Variants in PPP1R3D observed in about 807,000 individuals in gnomAD.
PPP1R3D encodes the protein protein phosphatase 1 regulatory subunit 3D.
A neutral mutation model predicts 16.3 loss-of-function variants in PPP1R3D; 27 were observed. That is an observed-to-expected ratio of 1.66 (90% CI 1.22 to 2.29). The LOEUF (loss-of-function observed/expected upper bound fraction) is 2.29, where lower values mean the gene tolerates loss of function less well. PPP1R3D is among the 30% of genes most tolerant of loss of function. The pLI is 0.00. For synonymous variants in PPP1R3D, 223 were observed against 209.7 expected (o/e 1.06, Z -0.55); for missense variants, 472 against 438.3 (o/e 1.08, Z -0.69).
In PPP1R3D at chr20:59,937,205, C is replaced by T. The variant is rs1423480492; in HGVS notation, c.*1827G>A. ...AAATCTGGCAGCTCTTAACTCATAT[C>T]TAAATTCTCTGGACAACTGTCTTGC... On this transcript the variant is annotated 3_prime_UTR_variant, in exon 1 of 1. Transcript: ENST00000370996. 6.6e-6 allele frequency: 1 copy of T among 152,642 alleles called. No homozygotes were observed. Among genetic ancestry groups the T allele is most frequent in the Non-Finnish European group, 1.5e-5 (1 of 68,056 alleles). 9.5% of individuals were successfully genotyped at this position (152,642 alleles called of 1,614,324 possible). A position where few individuals can be genotyped will look rare whatever the true frequency, so the allele number is the denominator to read the frequency against.
At position 59,939,770 on chromosome 20, in the gene PPP1R3D, C is replaced by A; in HGVS notation, c.162G>T (p.Thr54=). 1.6e-6 allele frequency: 2 copies of A among 1,222,792 alleles called. No homozygotes were observed. The highest frequency in any genetic ancestry group is 2.0e-6 in the Non-Finnish European group (2 of 982,392). The allele number at this position is 1,222,792 out of a possible 1,614,324, so 75.7% of individuals were successfully genotyped here. Residue 54 remains threonine (T), a synonymous_variant, in exon 1 of 1, where the codon ACG becomes ACT. Coordinates refer to ENST00000370996, the MANE Select transcript of PPP1R3D (RefSeq NM_006242.4). ...GGGGGTCGCAGCCCGACGGCGCTGG[C>A]GTTGGCGGCGGCGCGCGGCCCGGGC... The part of the protein sequence containing the change: ...PGSPGRAPPP[T]PAPSGCDPRL...
At position 59,938,988 on chromosome 20, in the gene PPP1R3D, G is replaced by T; in HGVS notation, c.*44C>A. On this transcript the variant is annotated 3_prime_UTR_variant, in exon 1 of 1. Coordinates refer to ENST00000370996, the MANE Select transcript of PPP1R3D (RefSeq NM_006242.4). ...GCCCAGCAGGGAAATGACAGGAGGC[G>T]CAGCTTAGGTGTGGAGGCTCCAGGT... 2 of 1,454,010 alleles carry T rather than the reference G, an allele frequency of 1.4e-6. No individual in the cohort carries two copies. Among genetic ancestry groups the T allele is most frequent in the South Asian group, 3.0e-5 (2 of 65,686 alleles). The allele number at this position is 1,454,010 out of a possible 1,614,324, so 90.1% of individuals were successfully genotyped here. A position where few individuals can be genotyped will look rare whatever the true frequency, so the allele number is the denominator to read the frequency against.
chr20:59,939,679 C>T lies in PPP1R3D; in HGVS notation c.253G>A (p.Ala85Thr). The change falls in exon 1 of 1, where the codon GCC becomes ACC. Residue 85 changes from alanine (A) to threonine (T), a missense_variant. By Grantham distance (58) the Ala-to-Thr change is moderately conservative. Transcript: ENST00000370996. ...CACGCAGCGCCCGGCGCGCCCGCGG[C>T]CTTCTGGCGGCGCTCGGGGGAGCTG... is the stretch of plus-strand genomic sequence containing the variant. Reference protein sequence around the residue: ...LPSSPERRQKAAGAPGAACRP... With the variant: ...LPSSPERRQKTAGAPGAACRP... 1 of 1,445,190 alleles carries T rather than the reference C, an allele frequency of 6.9e-7. No homozygotes were observed. Among genetic ancestry groups the T allele is most frequent in the Non-Finnish European group, 9.0e-7 (1 of 1,105,988 alleles). 89.5% of individuals were successfully genotyped at this position (1,445,190 alleles called of 1,614,324 possible).
rs1469913183 is a variant in PPP1R3D at position 59,937,718 on chromosome 20, T to A, written c.*1314A>T. The stretch of plus-strand genomic sequence containing the variant: ...TCTAGCACCTGTTGTCAGACCACTG[T>A]TCAGCACCAAAAGAACTCCTCAGCC... On this transcript the variant is annotated 3_prime_UTR_variant, in exon 1 of 1. Coordinates refer to ENST00000370996, the MANE Select transcript of PPP1R3D (RefSeq NM_006242.4). 6 of 152,444 alleles carry A rather than the reference T, an allele frequency of 3.9e-5. No individual in the cohort carries two copies. The highest frequency in any genetic ancestry group is 3.9e-4 in the Admixed American group (6 of 15,278). 9.4% of individuals were successfully genotyped at this position (152,444 alleles called of 1,614,324 possible).
Position 59,940,021 on chromosome 20 carries a change from A to C in PPP1R3D, c.-90T>G, listed in dbSNP as rs2060890619. ...CCCTCCGTGCTCAGAAGCCGCAGAG[A>C]GTCCACCGTATCTGCAACCTGCGGG... is the stretch of plus-strand genomic sequence containing the variant. On this transcript the variant is annotated 5_prime_UTR_variant, in exon 1 of 1. Transcript: ENST00000370996. 9.0e-7 allele frequency: 1 copy of C among 1,116,896 alleles called. No homozygotes were observed. The highest frequency in any genetic ancestry group is 3.3e-5 in the East Asian group (1 of 30,710). The allele number at this position is 1,116,896 out of a possible 1,614,324, so 69.2% of individuals were successfully genotyped here.
chr20:59,939,767 T>C lies in PPP1R3D; in HGVS notation c.165A>G (p.Pro55=). 1 of 1,222,344 alleles carries C rather than the reference T, an allele frequency of 8.2e-7. No individual in the cohort carries two copies. Among genetic ancestry groups the C allele is most frequent in the African/African-American group, 1.6e-5 (1 of 63,876 alleles). The allele number at this position is 1,222,344 out of a possible 1,614,324, so 75.7% of individuals were successfully genotyped here. ...GGCGGGGGTCGCAGCCCGACGGCGC[T>C]GGCGTTGGCGGCGGCGCGCGGCCCG... The part of the protein sequence containing the change: ...GSPGRAPPPT[P]APSGCDPRLR... Residue 55 remains proline, a synonymous_variant, in exon 1 of 1, where the codon CCA becomes CCG. Transcript: ENST00000370996.
rs1449450968 is a variant in PPP1R3D at position 59,940,074 on chromosome 20, C to T, written c.-143G>A. 1.4e-5 allele frequency: 8 copies of T among 587,076 alleles called. No individual in the cohort carries two copies. The highest frequency in any genetic ancestry group is 1.4e-4 in the African/African-American group (7 of 51,652). The allele number at this position is 587,076 out of a possible 1,614,324, so 36.4% of individuals were successfully genotyped here. A position where few individuals can be genotyped will look rare whatever the true frequency, so the allele number is the denominator to read the frequency against. The stretch of plus-strand genomic sequence containing the variant: ...ACCTCTCGGGCCCGGTGCGCCCTAC[C>T]CTTGGTTCGCCACCTTGCTCCTCGA... On this transcript the variant is annotated 5_prime_UTR_variant, in exon 1 of 1. Coordinates refer to ENST00000370996, the MANE Select transcript of PPP1R3D (RefSeq NM_006242.4).
rs767687097 is a variant in PPP1R3D, at chr20:59,939,199, A to G, written c.733T>C (p.Phe245Leu). The change falls in exon 1 of 1, where the codon TTC becomes CTC. Residue 245 changes from phenylalanine to leucine, a missense_variant. Physicochemically the swap from Phe to Leu is conservative, Grantham distance 22. Transcript: ENST00000370996. ...ACGCGGGAGCCGAGCTCCAGCAGGA[A>G]GGGCGGTACTGGAAAGCCGAAGGTG... is the stretch of plus-strand genomic sequence containing the variant. ...VFTFGFPVPP[F>L]LLELGSRVHF... 5 of 1,608,926 alleles carry G rather than the reference A, an allele frequency of 3.1e-6. No homozygotes were observed. Among genetic ancestry groups the G allele is most frequent in the Non-Finnish European group, 3.4e-6 (4 of 1,176,512 alleles).
chr20:59,937,876 C>CT lies in PPP1R3D; in HGVS notation c.*1155dup, dbSNP rs1219034661. The CT allele has an allele frequency of 1.3e-5, 2 of 152,336 alleles. No homozygotes were observed. Among genetic ancestry groups the CT allele is most frequent in the Non-Finnish European group, 2.9e-5 (2 of 68,026 alleles). The allele number at this position is 152,336 out of a possible 1,614,324, so 9.4% of individuals were successfully genotyped here. ...GACAAACTAGAAAATGTTAGAAACT[C>CT]TATCTGAAGGCAGAAAGTATAAAGT... On this transcript the variant is annotated 3_prime_UTR_variant, in exon 1 of 1. Transcript: ENST00000370996.
In PPP1R3D at chr20:59,939,403, C is replaced by G. The variant is rs768838779; in HGVS notation, c.529G>C (p.Val177Leu). Residue 177 changes from valine to leucine, a missense_variant, in exon 1 of 1, where the codon GTG (valine) becomes CTG (leucine). By Grantham distance (32) the Val-to-Leu change is conservative. Transcript: ENST00000370996. ...DFGERLQRQL[V>L]CLERVTCSDL... is the part of the protein sequence containing the mutation. ...GAGCAAGTGACACGCTCCAGGCACA[C>G]GAGCTGCCGCTGCAGGCGCTCGCCA... 1.9e-6 allele frequency: 3 copies of G among 1,610,350 alleles called. No individual in the cohort carries two copies. Among genetic ancestry groups the G allele is most frequent in the Admixed American group, 1.7e-5 (1 of 59,888 alleles).
Position 59,939,772 on chromosome 20 carries a change from T to C in PPP1R3D, c.160A>G (p.Thr54Ala), listed in dbSNP as rs1319338211. Residue 54 changes from threonine to alanine, a missense_variant, in exon 1 of 1, where the codon ACG (threonine) becomes GCG (alanine). Physicochemically the swap from Thr to Ala is moderately conservative, Grantham distance 58. Transcript: ENST00000370996. ...GGGTCGCAGCCCGACGGCGCTGGCG[T>C]TGGCGGCGGCGCGCGGCCCGGGCTC... ...PGSPGRAPPP[T>A]PAPSGCDPRL... 12 of 1,222,916 alleles carry C rather than the reference T, an allele frequency of 9.8e-6. No individual in the cohort carries two copies. In the South Asian group the frequency reaches 4.5e-4, roughly 46 times the overall value. 75.8% of individuals were successfully genotyped at this position (1,222,916 alleles called of 1,614,324 possible). A position where few individuals can be genotyped will look rare whatever the true frequency, so the allele number is the denominator to read the frequency against.
rs746171883 is a variant in PPP1R3D, at chr20:59,939,284, G to A, written c.648C>T (p.Thr216=). The change falls in exon 1 of 1, where the codon ACC becomes ACT. Residue 216 remains threonine (T), a synonymous_variant. Transcript: ENST00000370996. The stretch of plus-strand genomic sequence containing the variant: ...CGCGCCACCGCGCCACCGCCTCGTG[G>A]GTACTGCGCCAGCCCGAGAAAGTGT... ...VRYTFSGWRS[T]HEAVARWRGP... 1 of 1,612,472 alleles carries A rather than the reference G, an allele frequency of 6.2e-7. No homozygotes were observed. Among genetic ancestry groups the A allele is most frequent in the Non-Finnish European group, 8.5e-7 (1 of 1,179,770 alleles).
rs767856797 is a variant in PPP1R3D, at chr20:59,939,621, C to T, written c.311G>A (p.Arg104His). Residue 104 changes from arginine to histidine, a missense_variant, in exon 1 of 1, where the codon CGC becomes CAC. Transcript: ENST00000370996. ...RPGCSQKLRV[R>H]FADALGLELA... ...CTCCAAGCCCAGGGCGTCGGCGAAGCGCACGCGGAGCTTCTGGCTGCAGCC... is the reference window on the plus strand; with the variant it reads ...CTCCAAGCCCAGGGCGTCGGCGAAGTGCACGCGGAGCTTCTGGCTGCAGCC... The T allele has an allele frequency of 1.9e-6, 3 of 1,586,136 alleles. No homozygotes were observed. The highest frequency in any genetic ancestry group is 2.7e-5 in the African/African-American group (2 of 72,770).
rs1431789245 is a variant in PPP1R3D at position 59,938,766 on chromosome 20, C to G, written c.*266G>C. On this transcript the variant is annotated 3_prime_UTR_variant, in exon 1 of 1. Coordinates refer to ENST00000370996, the MANE Select transcript of PPP1R3D (RefSeq NM_006242.4). ...TGGGCCTCCCCAGAGGGCCCACCCTCCCATGCACCTACCCCACCACCCTGC... is the reference window on the plus strand; with the variant it reads ...TGGGCCTCCCCAGAGGGCCCACCCTGCCATGCACCTACCCCACCACCCTGC... 3 of 328,268 alleles carry G rather than the reference C, an allele frequency of 9.1e-6. No homozygotes were observed. The East Asian group carries it at 1.4e-4, about 16-fold the overall frequency. 20.3% of individuals were successfully genotyped at this position (328,268 alleles called of 1,614,324 possible). A position where few individuals can be genotyped will look rare whatever the true frequency, so the allele number is the denominator to read the frequency against.
rs1318373370 is a variant in PPP1R3D at position 59,937,358 on chromosome 20, C to T, written c.*1674G>A. The stretch of plus-strand genomic sequence containing the variant: ...CTCTCTTGCATGTTAATGTAGTGAA[C>T]AGTGCTAATAGCCAGAGATTGTGCA... On this transcript the variant is annotated 3_prime_UTR_variant, in exon 1 of 1. Transcript: ENST00000370996. 6.6e-6 allele frequency: 1 copy of T among 152,634 alleles called. No individual in the cohort carries two copies. Among genetic ancestry groups the T allele is most frequent in the African/African-American group, 2.4e-5 (1 of 41,450 alleles). 9.5% of individuals were successfully genotyped at this position (152,634 alleles called of 1,614,324 possible). A position where few individuals can be genotyped will look rare whatever the true frequency, so the allele number is the denominator to read the frequency against.
Position 59,937,823 on chromosome 20 carries a change from AC to A in PPP1R3D, c.*1208del, listed in dbSNP as rs2060871510. The A allele has an allele frequency of 6.6e-6, 1 of 152,588 alleles. No homozygotes were observed. Among genetic ancestry groups the A allele is most frequent in the African/African-American group, 2.4e-5 (1 of 41,444 alleles). 9.5% of individuals were successfully genotyped at this position (152,588 alleles called of 1,614,324 possible). On this transcript the variant is annotated 3_prime_UTR_variant, in exon 1 of 1. Coordinates refer to ENST00000370996, the MANE Select transcript of PPP1R3D (RefSeq NM_006242.4). ...TGACTTCTTGGTTGACGGTTTAAAA[AC>A]ATAAAAGAATTTTATATTTTAAAAC...
rs769759075 is a variant in PPP1R3D at position 59,939,021 on chromosome 20, C to T, written c.*11G>A. On this transcript the variant is annotated 3_prime_UTR_variant, in exon 1 of 1. Coordinates refer to ENST00000370996, the MANE Select transcript of PPP1R3D (RefSeq NM_006242.4). Reference sequence around the variant, plus strand: ...GGTGTGGAGGCTCCAGGTGGCCGGTCCCCGCGCGGCTCAGATGAAGTGGAT... The same window carrying T: ...GGTGTGGAGGCTCCAGGTGGCCGGTTCCCGCGCGGCTCAGATGAAGTGGAT... The T allele has an allele frequency of 3.1e-5, 47 of 1,503,066 alleles. No individual in the cohort carries two copies. In the South Asian group the frequency reaches 5.4e-4, roughly 17 times the overall value. 93.1% of individuals were successfully genotyped at this position (1,503,066 alleles called of 1,614,324 possible). A position where few individuals can be genotyped will look rare whatever the true frequency, so the allele number is the denominator to read the frequency against.
chr20:59,939,177 C>T lies in PPP1R3D; in HGVS notation c.755G>A (p.Arg252His), dbSNP rs2060881457. 3 of 1,609,796 alleles carry T rather than the reference C, an allele frequency of 1.9e-6. No homozygotes were observed. The highest frequency in any genetic ancestry group is 1.7e-6 in the Non-Finnish European group (2 of 1,177,144). The change falls in exon 1 of 1, where the codon CGC becomes CAC. Residue 252 changes from arginine to histidine, a missense_variant. Transcript: ENST00000370996. Reference protein sequence around the residue: ...VPPFLLELGSRVHFAVRYQVA... With the variant: ...VPPFLLELGSHVHFAVRYQVA... Reference sequence around the variant, plus strand: ...TTGGTAGCGCACCGCGAAGTGCACGCGGGAGCCGAGCTCCAGCAGGAAGGG... The same window carrying T: ...TTGGTAGCGCACCGCGAAGTGCACGTGGGAGCCGAGCTCCAGCAGGAAGGG...
Position 59,939,389 on chromosome 20 carries a change from A to C in PPP1R3D, c.543T>G (p.Arg181=), listed in dbSNP as rs780359967. 3 of 1,610,802 alleles carry C rather than the reference A, an allele frequency of 1.9e-6. No individual in the cohort carries two copies. The highest frequency in any genetic ancestry group is 2.5e-6 in the Non-Finnish European group (3 of 1,179,544). The change falls in exon 1 of 1, where the codon CGT becomes CGG. Residue 181 remains arginine (R), a synonymous_variant. Coordinates refer to ENST00000370996, the MANE Select transcript of PPP1R3D (RefSeq NM_006242.4). ...TGATGCCAAGGTCCGAGCAAGTGAC[A>C]CGCTCCAGGCACACGAGCTGCCGCT... is the stretch of plus-strand genomic sequence containing the variant. ...RLQRQLVCLE[R]VTCSDLGISG... is the part of the protein sequence containing the mutation.
Sources: gnomAD v4.1 joint callset for allele counts on GRCh38, gnomAD v4.1.1 for gene constraint, MANE v1.5 for transcripts, NCBI Gene and HGNC (gene_info 2026-07-23, HGNC 2026-07-21) for gene names.